ALMS1: variants seen among roughly 807,000 people sequenced by gnomAD.
ALMS1 encodes centrosome-associated protein ALMS1.
In ALMS1, 271 loss-of-function variants were observed where a neutral mutation model predicts 352.2. That is an observed-to-expected ratio of 0.77 (90% CI 0.70 to 0.85). The LOEUF is 0.85. Among genes scored for constraint, ALMS1 ranks in the 40% least tolerant of loss-of-function variants. The pLI is 0.00. For missense variants in ALMS1, 5,445 were observed against 4,870.7 expected, an observed-to-expected ratio of 1.12 and a Z score of -3.51; for synonymous variants, 1,865 against 1,761.2, an observed-to-expected ratio of 1.06 and a Z score of -1.48.
intron 9 of ALMS1, among the ~76,000 whole-genome samples, chr2:73,488,673 G>A (rs781060728): frequency 1.1e-4 from 17 of 152,184 alleles, no homozygotes; most frequent in Non-Finnish European, 2.1e-4. Context: ...ACTCCAGATG[G>A]GATGCCGCTG....
At chr2:73,421,312 C>A (rs142162624) in intron 3 of ALMS1, among the ~76,000 whole-genome samples, 8 of 152,100 alleles carry the variant, frequency 5.3e-5, no homozygotes, top group Non-Finnish European at 1.0e-4. Flanking sequence ...CTGTCAGATT[C>A]TTTAAATACT....
intron 12 of ALMS1, among the ~76,000 whole-genome samples, chr2:73,542,489 A>G (rs1338249324): frequency 6.6e-6 from 1 of 152,232 alleles, no homozygotes; most frequent in Non-Finnish European, 1.5e-5. Flanking sequence ...CTCCTATTCA[A>G]CACAGTGTTG....
intron 16 of ALMS1, among the ~76,000 whole-genome samples, chr2:73,580,496 T>G (rs994087616): frequency 2.0e-5 from 3 of 152,232 alleles, no homozygotes; most frequent in Non-Finnish European, 4.4e-5. Flanking sequence ...TTCCTTTAGC[T>G]CTTTGAGCAC....
In ALMS1 at chr2:73,490,464, A is replaced by G. The variant is rs1190976963; in HGVS notation, c.8505A>G (p.Glu2835=). ...STRANCSNFK[E]IQISDNHTLI... ...GGGCAAATTGTAGCAATTTCAAGGA[A>G]ATTCAGATTTCTGATAACCATACCC... Residue 2835 remains glutamate (E), a synonymous_variant, in exon 10 of 23, where the codon GAA becomes GAG. Coordinates refer to ENST00000613296, the MANE Select transcript of ALMS1 (RefSeq NM_001378454.1). The G allele has an allele frequency of 5.0e-6, 8 of 1,614,054 alleles. No individual in the cohort carries two copies. In the Admixed American group the frequency reaches 1.3e-4, roughly 27 times the overall value.
At chr2:73,551,025 A>G (rs1674420536) in intron 13 of ALMS1, among the ~76,000 whole-genome samples, 1 of 150,590 alleles carries the variant, frequency 6.6e-6, no homozygotes, top group Admixed American at 6.6e-5. Flanking sequence ...TTTTATAGTG[A>G]TGGGGGGTTT....
At chr2:73,413,800 T>C (rs1671126345) in intron 2 of ALMS1, among the ~76,000 whole-genome samples, 2 of 152,244 alleles carry the variant, frequency 1.3e-5, no homozygotes, top group African/African-American at 2.4e-5. Context: ...CCATTTGCTA[T>C]CTTTTTTTCC....
chr2:73,531,167 A>C (rs1256528450), intron 11 of ALMS1, among the ~76,000 whole-genome samples: 1 of 152,196 alleles, frequency 6.6e-6, no homozygotes, highest in Non-Finnish European at 1.5e-5. Flanking sequence ...TCAGGCTGCA[A>C]ATTTTTCAAA....
intron 9 of ALMS1, 43 bp from the exon 10 acceptor site, chr2:73,489,591 T>C (rs1672929200): frequency 6.2e-7 from 1 of 1,608,644 alleles, no homozygotes; most frequent in South Asian, 1.1e-5. Flanking sequence ...TTATAACTAC[T>C]TGGACTACTT....
intron 16 of ALMS1, among the ~76,000 whole-genome samples, chr2:73,577,299 AT>A (rs1433261259): frequency 6.6e-6 from 1 of 151,224 alleles, no homozygotes. Flanking sequence ...CTTTGGGGAA[AT>A]TTTTTTTCAT....
chr2:73,485,944 C>T (rs1221156442), intron 9 of ALMS1, among the ~76,000 whole-genome samples: 3 of 151,850 alleles, frequency 2.0e-5, no homozygotes, highest in Non-Finnish European at 2.9e-5. Flanking sequence ...GCACACGGTG[C>T]GCGCACCCAC....
chr2:73,453,528 A>T lies in ALMS1; in HGVS notation c.7001A>T (p.Lys2334Met). The T allele has an allele frequency of 6.2e-7, 1 of 1,613,840 alleles. No homozygotes were observed. The highest frequency in any genetic ancestry group is 8.5e-7 in the Non-Finnish European group (1 of 1,179,972). Residue 2334 changes from lysine to methionine, a missense_variant, in exon 8 of 23, where the codon AAG becomes ATG. By Grantham distance (95) the Lys-to-Met change is moderately conservative. Coordinates refer to ENST00000613296, the MANE Select transcript of ALMS1 (RefSeq NM_001378454.1). ...EESPSSRCIQ[K>M]DIGTQTNLKC... ...AGCCCAAGCAGCAGGTGCATACAGA[A>T]GGATATTGGCACACAGACGAATTTG...
intron 8 of ALMS1, 65 bp from the exon 9 acceptor site, chr2:73,455,097 G>A (rs939581597): frequency 6.5e-7 from 1 of 1,545,294 alleles, no homozygotes; most frequent in African/African-American, 1.4e-5. Flanking sequence ...GATCTTCTGT[G>A]TTGCAATTGT....
At chr2:73,495,043 A>G (rs1003140937) in intron 10 of ALMS1, among the ~76,000 whole-genome samples, 1 of 151,978 alleles carries the variant, frequency 6.6e-6, no homozygotes, top group Admixed American at 6.5e-5. Context: ...TAGGTTATTT[A>G]TTTACATTAC....
At chr2:73,574,943 C>T (rs979471223) in intron 16 of ALMS1, among the ~76,000 whole-genome samples, 3 of 152,134 alleles carry the variant, frequency 2.0e-5, no homozygotes, top group Non-Finnish European at 4.4e-5. Context: ...TCTCACCAGC[C>T]CCCGGCAACC....
At chr2:73,597,795 T>TC (rs1402645081) in intron 16 of ALMS1, among the ~76,000 whole-genome samples, 1 of 151,864 alleles carries the variant, frequency 6.6e-6, no homozygotes, top group Non-Finnish European at 1.5e-5. Flanking sequence ...TTTTTTTTTT[T>TC]CCCTGCATCA....
At chr2:73,560,044 A>G (rs1674624556) in intron 15 of ALMS1, among the ~76,000 whole-genome samples, 2 of 152,192 alleles carry the variant, frequency 1.3e-5, no homozygotes, top group African/African-American at 2.4e-5. Context: ...AACTACATCA[A>G]ACTTGAAAAC....
Position 73,414,717 on chromosome 2 carries a change from G to GT in ALMS1, c.451-4398dup, listed in dbSNP as rs1262274126. On this transcript the variant is annotated intron_variant, in intron 2 of 22. Transcript: ENST00000613296. ...TTATTTCCTTTCTTGGGTTCTTCTG[G>GT]TTTTTTTTCTACTCATCTGGCTGTT... is the stretch of plus-strand genomic sequence containing the variant. Among the ~76,000 whole-genome samples the GT allele has an allele frequency of 9.9e-5, 15 of 151,046 alleles. No individual in the cohort carries two copies. The East Asian group carries it at 2.3e-3, about 24-fold the overall frequency.
Position 73,542,731 on chromosome 2 carries a change from G to T in ALMS1, c.9908-7536G>T, listed in dbSNP as rs375769323. Among the ~76,000 whole-genome samples, 16 of 152,114 alleles carry T rather than the reference G, an allele frequency of 1.1e-4. No individual in the cohort carries two copies. The South Asian group carries it at 3.3e-3, about 32-fold the overall frequency. On this transcript the variant is annotated intron_variant, in intron 12 of 22. Transcript: ENST00000613296. ...CCTATACACCAATAGCAGACAAACC[G>T]AGAGCCAAATCATGAGTGAACTCCC...
chr2:73,486,826 G>A (rs1672858358), intron 9 of ALMS1, among the ~76,000 whole-genome samples: 1 of 152,164 alleles, frequency 6.6e-6, no homozygotes, highest in Non-Finnish European at 1.5e-5. Flanking sequence ...GAGGCAGGAG[G>A]ATCCCTTGAA....
Sources: allele counts gnomAD v4.1 joint callset (sites outside exome capture counted in the v4.1 genomes callset), GRCh38; gene constraint gnomAD v4.1.1; transcripts MANE v1.5; gene names NCBI Gene and HGNC (gene_info 2026-07-23, HGNC 2026-07-21).